The following PRKCH variants were observed in gnomAD, a reference collection of about 807,000 sequenced individuals.
PRKCH encodes protein kinase C eta type.
PRKCH carries 28 observed loss-of-function variants against 82.5 expected under a neutral mutation model. That is an observed-to-expected ratio of 0.34 (90% CI 0.25 to 0.47). The LOEUF (loss-of-function observed/expected upper bound fraction) is 0.47. Among genes scored for constraint, PRKCH ranks in the 20% least tolerant of loss-of-function variants. The pLI is 1.00. For missense variants in PRKCH, 705 were observed against 881.8 expected, an observed-to-expected ratio of 0.80 and a Z score of 2.54; for synonymous variants, 322 against 327.4, an observed-to-expected ratio of 0.98 and a Z score of 0.18.
At chr14:61,449,729 C>G (rs1884396394) in intron 5 of PRKCH, among the ~76,000 whole-genome samples, 1 of 152,174 alleles carries the variant, frequency 6.6e-6, no homozygotes, top group Non-Finnish European at 1.5e-5. Context: ...ATGTTTCCCT[C>G]ACACAGTTTT....
intron 9 of PRKCH, chr14:61,476,217 A>G (rs887467220): frequency 6.6e-6 from 1 of 152,312 alleles, no homozygotes; most frequent in Admixed American, 6.5e-5. Flanking sequence ...GGAGACAAAA[A>G]TGGTTCCTAT....
intron 1 of PRKCH, among the ~76,000 whole-genome samples, chr14:61,218,420 G>A (rs373137605): frequency 9.9e-5 from 15 of 152,222 alleles, no homozygotes; most frequent in African/African-American, 1.9e-4. Flanking sequence ...TAAAACATCC[G>A]CCTTCATTGT....
At chr14:61,207,106 C>CAAAAAAAAAAAAA (rs71114196) in intron 1 of PRKCH, among the ~76,000 whole-genome samples, 2 of 49,158 alleles carry the variant, frequency 4.1e-5, no homozygotes, top group East Asian at 8.6e-4. Context: ...AACTCCATCT[C>CAAAAAAAAAAAAA]AAAAAAAAAA....
At chr14:61,405,764 G>A (rs888038990) in intron 2 of PRKCH, among the ~76,000 whole-genome samples, 7 of 151,992 alleles carry the variant, frequency 4.6e-5, no homozygotes, top group African/African-American at 1.7e-4. Flanking sequence ...CTAAATAACT[G>A]GAGAGGTAAG....
chr14:61,428,576 A>T (rs1401417569), intron 2 of PRKCH, among the ~76,000 whole-genome samples: 3 of 152,218 alleles, frequency 2.0e-5, no homozygotes, highest in African/African-American at 7.2e-5. Context: ...TCTCTACCAG[A>T]TGCTGAGAAT....
intron 1 of PRKCH, among the ~76,000 whole-genome samples, chr14:61,373,686 TG>T (rs2046392991): frequency 6.6e-6 from 1 of 152,118 alleles, no homozygotes; most frequent in South Asian, 2.1e-4. Flanking sequence ...CTGAAACCTC[TG>T]CCTCGCAGGT....
At chr14:61,485,691 C>T in intron 10 of PRKCH, 35 bp downstream of exon 10, 1 of 1,595,296 alleles carries the variant, frequency 6.3e-7, no homozygotes, top group Non-Finnish European at 8.6e-7. Context: ...TTCTAATTCA[C>T]TGCCTCTTCC....
At chr14:61,465,728 T>C (rs1369237540) in intron 9 of PRKCH, among the ~76,000 whole-genome samples, 1 of 152,314 alleles carries the variant, frequency 6.6e-6, no homozygotes, top group East Asian at 1.9e-4. Flanking sequence ...TAGGAAAATA[T>C]TAGAAACAAC....
intron 1 of PRKCH, among the ~76,000 whole-genome samples, chr14:61,214,888 A>T (rs533524561): frequency 6.6e-6 from 1 of 152,302 alleles, no homozygotes; most frequent in Middle Eastern, 3.4e-3. Flanking sequence ...GTTATACTTT[A>T]TCAGAAGGTG....
intron 1 of PRKCH, chr14:61,306,861 TTAAC>T (rs1402075998): frequency 6.6e-6 from 1 of 152,208 alleles, no homozygotes; most frequent in Non-Finnish European, 1.5e-5. Flanking sequence ...ATGACTGTAA[TTAAC>T]ATTTCTAAAT....
intron 1 of PRKCH, among the ~76,000 whole-genome samples, chr14:61,387,607 C>CT (rs1252216296): frequency 1.3e-5 from 2 of 152,148 alleles, no homozygotes; most frequent in African/African-American, 4.8e-5. Flanking sequence ...TGGGGGGTAT[C>CT]TAAGCAACTA....
intron 1 of PRKCH, chr14:61,327,325 C>A: frequency 3.0e-6 from 1 of 331,762 alleles, no homozygotes; most frequent in Non-Finnish European, 6.0e-6. Context: ...TCTAGTGGTT[C>A]ATTCTCTTTT....
chr14:61,330,594 C>G (rs950000967), intron 1 of PRKCH, among the ~76,000 whole-genome samples: 3 of 152,148 alleles, frequency 2.0e-5, no homozygotes, highest in Admixed American at 1.3e-4. Context: ...CAACAAAAAG[C>G]CTGATAGCTC....
At chr14:61,291,382 T>C (rs2045360838) in intron 1 of PRKCH, among the ~76,000 whole-genome samples, 1 of 135,082 alleles carries the variant, frequency 7.4e-6, no homozygotes, top group East Asian at 2.3e-4. Flanking sequence ...CAGGCTGGAG[T>C]GCAGTGGTGC....
chr14:61,325,249 A>G (rs4902047), intron 1 of PRKCH, among the ~76,000 whole-genome samples: 152,276 of 152,330 alleles, frequency 1, 76,111 homozygotes, highest in Middle Eastern at 1. Flanking sequence ...AGATAATGTG[A>G]TATTGGAATA....
At chr14:61,191,916 A>G (rs1447880538) in intron 1 of PRKCH, among the ~76,000 whole-genome samples, 2 of 152,158 alleles carry the variant, frequency 1.3e-5, no homozygotes, top group Non-Finnish European at 2.9e-5. Flanking sequence ...GAAGAATGTA[A>G]TCCACATGCT....
At chr14:61,367,126 A>C (rs912923453) in intron 1 of PRKCH, among the ~76,000 whole-genome samples, 1 of 152,060 alleles carries the variant, frequency 6.6e-6, no homozygotes, top group African/African-American at 2.4e-5. Context: ...CCCAGAGCTC[A>C]GAGAAGGCAG....
intron 10 of PRKCH, among the ~76,000 whole-genome samples, chr14:61,504,950 G>C (rs1024074246): frequency 3.3e-5 from 5 of 152,120 alleles, no homozygotes; most frequent in Non-Finnish European, 7.3e-5. Context: ...AGATATAATA[G>C]TGACCACAAT....
At chr14:61,356,395 C>CTT (rs1291270352) in intron 1 of PRKCH, among the ~76,000 whole-genome samples, 1 of 152,192 alleles carries the variant, frequency 6.6e-6, no homozygotes, top group African/African-American at 2.4e-5. Context: ...GCCCTGGACT[C>CTT]TATCGGTTAG....
Sources: gnomAD v4.1 joint callset for allele counts (sites outside exome capture counted in the v4.1 genomes callset) on GRCh38, gnomAD v4.1.1 for gene constraint, MANE v1.5 for transcripts, NCBI Gene and HGNC (gene_info 2026-07-23, HGNC 2026-07-21) for gene names.